MINDY2: variants seen among roughly 807,000 people sequenced by gnomAD.
MINDY2 encodes the protein ubiquitin carboxyl-terminal hydrolase MINDY-2.
In MINDY2, 52 loss-of-function variants were observed where a neutral mutation model predicts 68.2. That is an observed-to-expected ratio of 0.76 (90% CI 0.61 to 0.96). The LOEUF (loss-of-function observed/expected upper bound fraction) is 0.96, where lower values mean the gene tolerates loss of function less well. MINDY2 is among the 40% of genes least tolerant of loss of function. The pLI is 0.00. For synonymous variants in MINDY2, 372 were observed against 303.0 expected (o/e 1.23, Z -2.36); for missense variants, 881 against 773.4 (o/e 1.14, Z -1.65).
At chr15:58,790,760 C>A (rs347115) in intron 2 of MINDY2, among the ~76,000 whole-genome samples, 2 of 151,826 alleles carry the variant, frequency 1.3e-5, no homozygotes, top group South Asian at 2.1e-4. Context: ...GAGTCAAGGA[C>A]TATCTCATTT....
chr15:58,841,439 CTTG>C (rs35669038), intron 6 of MINDY2, among the ~76,000 whole-genome samples: 5,352 of 145,360 alleles, frequency 0.037, 107 homozygotes, highest in African/African-American at 0.061. Flanking sequence ...GAGTTTCACT[CTTG>C]TTGCCCTTCC....
intron 3 of MINDY2, among the ~76,000 whole-genome samples, chr15:58,809,425 G>A (rs868375485): frequency 6.6e-6 from 1 of 151,750 alleles, no homozygotes; most frequent in African/African-American, 2.4e-5. Context: ...TTTTAAGGCT[G>A]AATAATATTC....
At chr15:58,796,272 G>A (rs1902279928) in intron 2 of MINDY2, 2 of 372,542 alleles carry the variant, frequency 5.4e-6, no homozygotes, top group African/African-American at 2.1e-5. Flanking sequence ...TTGTTTGAGG[G>A]TTAGTTGGAA....
At chr15:58,774,038 T>C (rs1375871459) in intron 1 of MINDY2, among the ~76,000 whole-genome samples, 1 of 152,200 alleles carries the variant, frequency 6.6e-6, no homozygotes, top group Non-Finnish European at 1.5e-5. Context: ...TCTTTTTTCT[T>C]ATGTAGTACT....
intron 4 of MINDY2, among the ~76,000 whole-genome samples, chr15:58,815,930 G>A (rs1257025058): frequency 2.0e-5 from 3 of 151,948 alleles, no homozygotes; most frequent in African/African-American, 4.8e-5. Context: ...CGTCTGCCTC[G>A]GCCTCCCAAA....
At chr15:58,833,246 C>T (rs1177088614) in intron 6 of MINDY2, among the ~76,000 whole-genome samples, 7 of 152,332 alleles carry the variant, frequency 4.6e-5, no homozygotes, top group African/African-American at 1.4e-4. Context: ...TATTTGCCAA[C>T]ACTTTACTTC....
chr15:58,820,411 T>G lies in MINDY2; in HGVS notation c.1123-1306T>G, dbSNP rs563811961. ...GTGAGCCGAGGTCACACCACTGCAC[T>G]CCAGCCTGGGCAACAGAGTGAGACT... On this transcript the variant is annotated intron_variant, in intron 4 of 8. Coordinates refer to ENST00000559228, the MANE Select transcript of MINDY2 (RefSeq NM_001040450.3). Among the ~76,000 whole-genome samples the G allele has an allele frequency of 1.1e-3, 163 of 146,774 alleles. 1 individual carries two copies. The highest frequency in any genetic ancestry group is 2.0e-3 in the Non-Finnish European group (137 of 67,312).
At chr15:58,787,140 CTTTT>C (rs58374538) in intron 1 of MINDY2, among the ~76,000 whole-genome samples, 3 of 78,150 alleles carry the variant, frequency 3.8e-5, no homozygotes, top group Non-Finnish European at 6.7e-5. Context: ...CATTTCTTTA[CTTTT>C]TTTTTTTTTT....
intron 6 of MINDY2, among the ~76,000 whole-genome samples, chr15:58,836,898 G>C (rs973075624): frequency 3.3e-5 from 5 of 152,128 alleles, no homozygotes; most frequent in African/African-American, 1.2e-4. Flanking sequence ...GGGATTACAG[G>C]TGTGAACCAC....
intron 1 of MINDY2, among the ~76,000 whole-genome samples, chr15:58,783,186 G>T (rs895578042): frequency 2.6e-5 from 4 of 151,964 alleles, no homozygotes; most frequent in Admixed American, 6.6e-5. Context: ...CTCCCAAAGT[G>T]CTGGGATTAC....
Position 58,851,901 on chromosome 15 carries a change from C to A in MINDY2, c.1673C>A (p.Ser558Tyr). The A allele has an allele frequency of 6.2e-7, 1 of 1,612,152 alleles. No individual in the cohort carries two copies. Among genetic ancestry groups the A allele is most frequent in the Non-Finnish European group, 8.5e-7 (1 of 1,179,594 alleles). Residue 558 changes from serine to tyrosine, a missense_variant, in exon 8 of 9, where the codon TCT (serine) becomes TAT (tyrosine). Transcript: ENST00000559228. Reference protein sequence around the residue: ...KLQEEEDRRASQYYQEQEQAA... With the variant: ...KLQEEEDRRAYQYYQEQEQAA... ...CAAGAGGAAGAGGACAGACGGGCTT[C>A]TCAATACTATCAGGAACAGGAACAA...
Position 58,847,302 on chromosome 15 carries a change from A to C in MINDY2, c.1374A>C (p.Gln458His). Residue 458 changes from glutamine to histidine, a missense_variant, in exon 7 of 9, where the codon CAA (glutamine) becomes CAC (histidine). By Grantham distance (24) the Gln-to-His change is conservative. Coordinates refer to ENST00000559228, the MANE Select transcript of MINDY2 (RefSeq NM_001040450.3). ...HFSTMTKYKG[Q>H]LYLLVTDQGF... is the part of the protein sequence containing the mutation. ...TTTTGTTACTTCTTATTAAGGGTCAACTGTATTTGTTGGTAACGGACCAGG... is the reference window on the plus strand; with the variant it reads ...TTTTGTTACTTCTTATTAAGGGTCACCTGTATTTGTTGGTAACGGACCAGG... The C allele has an allele frequency of 6.4e-7, 1 of 1,569,464 alleles. No individual in the cohort carries two copies. The highest frequency in any genetic ancestry group is 8.7e-7 in the Non-Finnish European group (1 of 1,147,824).
intron 2 of MINDY2, among the ~76,000 whole-genome samples, chr15:58,792,702 TA>T (rs1449580274): frequency 4.6e-5 from 7 of 152,286 alleles, no homozygotes; most frequent in African/African-American, 1.4e-4. Flanking sequence ...AGCAGATAAA[TA>T]TAGATTTGTA....
intron 4 of MINDY2, among the ~76,000 whole-genome samples, chr15:58,812,667 C>G (rs959824268): frequency 3.2e-4 from 49 of 152,230 alleles, no homozygotes; most frequent in African/African-American, 1.1e-3. Flanking sequence ...CAAGACTAGC[C>G]TGGGCAACAT....
chr15:58,853,585 C>G (rs1357823615), intron 8 of MINDY2, among the ~76,000 whole-genome samples: 1 of 151,940 alleles, frequency 6.6e-6, no homozygotes, highest in Non-Finnish European at 1.5e-5. Context: ...CTTTGGGAGG[C>G]CAAGACAGGT....
chr15:58,842,522 A>T (rs900841354), intron 6 of MINDY2, among the ~76,000 whole-genome samples: 1 of 152,222 alleles, frequency 6.6e-6, no homozygotes, highest in Admixed American at 6.5e-5. Context: ...GCTGGTTGAT[A>T]TATCAAAAAT....
rs1352253384 is a variant in MINDY2, at chr15:58,771,543, G to A, written c.148G>A (p.Gly50Ser). The change falls in exon 1 of 9, where the codon GGC (glycine) becomes AGC (serine). Residue 50 changes from glycine (G) to serine (S), a missense_variant. Coordinates refer to ENST00000559228, the MANE Select transcript of MINDY2 (RefSeq NM_001040450.3). The stretch of plus-strand genomic sequence containing the variant: ...TGGGGTATGGGCGGCGGAGACCAGC[G>A]GCGGGAATGGGCTGGGGGCGGCGGC... ...GPGVWAAETS[G>S]GNGLGAAAAR... The A allele has an allele frequency of 3.7e-6, 6 of 1,611,512 alleles. No individual in the cohort carries two copies. The African/African-American group carries it at 6.7e-5, about 18-fold the overall frequency.
intron 8 of MINDY2, among the ~76,000 whole-genome samples, chr15:58,852,672 T>A (rs2032880485): frequency 6.6e-6 from 1 of 152,134 alleles, no homozygotes; most frequent in Non-Finnish European, 1.5e-5. Flanking sequence ...TAGCCTCATT[T>A]TCCCTATCTG....
At chr15:58,791,467 A>C (rs963673884) in intron 2 of MINDY2, among the ~76,000 whole-genome samples, 1 of 151,160 alleles carries the variant, frequency 6.6e-6, no homozygotes, top group Non-Finnish European at 1.5e-5. Context: ...AAATTCAAAA[A>C]TTAGCCAGGC....
Sources: allele counts gnomAD v4.1 joint callset (sites outside exome capture counted in the v4.1 genomes callset), GRCh38; gene constraint gnomAD v4.1.1; transcripts MANE v1.5; gene names NCBI Gene and HGNC (gene_info 2026-07-23, HGNC 2026-07-21).